Variants in SCGB1D4 observed in about 807,000 individuals in gnomAD.
SCGB1D4 encodes IFN-gamma inducible SCGB (IIS).
In SCGB1D4, 6 loss-of-function variants were observed where a neutral mutation model predicts 8.1. That is an observed-to-expected ratio of 0.74 (90% CI 0.40 to 1.45). The LOEUF is 1.45. SCGB1D4 is among the 40% of genes most tolerant of loss of function. The pLI is 0.02. For missense variants in SCGB1D4, 93 were observed against 95.0 expected, an observed-to-expected ratio of 0.98 and a Z score of 0.09; for synonymous variants, 34 against 38.1, an observed-to-expected ratio of 0.89 and a Z score of 0.39.
chr11:62,298,055 T>G (rs1480096374), intron 1 of SCGB1D4, among the ~76,000 whole-genome samples: 1 of 145,336 alleles, frequency 6.9e-6, no homozygotes, highest in South Asian at 2.2e-4. Context: ...TGTTTTGTTT[T>G]GTTTTTTTTT....
At chr11:62,297,423 T>A in intron 2 of SCGB1D4, 49 bp downstream of exon 2, 1 of 1,381,512 alleles carries the variant, frequency 7.2e-7, no homozygotes, top group Non-Finnish European at 1.0e-6. Flanking sequence ...CAGGAGGCTG[T>A]GTGCAGCTGA....
chr11:62,297,577 A>G lies in SCGB1D4; in HGVS notation c.137T>C (p.Val46Ala), dbSNP rs1227210262. The G allele has an allele frequency of 3.7e-6, 6 of 1,614,036 alleles. No individual in the cohort carries two copies. The highest frequency in any genetic ancestry group is 5.1e-6 in the Non-Finnish European group (6 of 1,180,002). ...FLSDAAVNLQ[V>A]AKLNPPPEAL... ...TTCTGGAGGTGGATTAAGTTTGGCA[A>G]CTTGGAGGTTTACCGCAGCGTCACT... Residue 46 changes from valine to alanine, a missense_variant, in exon 2 of 3, where the codon GTT (valine) becomes GCT (alanine). Physicochemically the swap from Val to Ala is moderately conservative, Grantham distance 64. Coordinates refer to ENST00000358585, the MANE Select transcript of SCGB1D4 (RefSeq NM_206998.2).
At chr11:62,298,704 A>T (rs1945464496) in intron 1 of SCGB1D4, among the ~76,000 whole-genome samples, 1 of 148,452 alleles carries the variant, frequency 6.7e-6, no homozygotes, top group African/African-American at 2.5e-5. Context: ...GGTTGCAGTG[A>T]GCCAAGATCA....
intron 2 of SCGB1D4, among the ~76,000 whole-genome samples, chr11:62,296,762 G>A (rs925265662): frequency 1.3e-5 from 2 of 152,190 alleles, no homozygotes; most frequent in South Asian, 4.1e-4. Context: ...CCCTGTAATG[G>A]GGGACCCAGG....
intron 2 of SCGB1D4, 26 bp downstream of exon 2, chr11:62,297,446 C>T: frequency 1.3e-6 from 2 of 1,566,446 alleles, no homozygotes; most frequent in African/African-American, 1.4e-5. Context: ...TGAATTCTGC[C>T]TCTGCATAAA....
intron 1 of SCGB1D4, 57 bp from the exon 2 acceptor site, chr11:62,297,715 G>T: frequency 1.4e-6 from 2 of 1,418,352 alleles, no homozygotes; most frequent in Non-Finnish European, 2.0e-6. Context: ...TTTCTCTCAT[G>T]GCTCCCTGAG....
intron 1 of SCGB1D4, among the ~76,000 whole-genome samples, 197 bp downstream of exon 1, chr11:62,298,756 CAAA>C (rs5792251): frequency 0.051 from 5,238 of 102,292 alleles, 295 homozygotes; most frequent in African/African-American, 0.17. Context: ...CAAAACTTCT[CAAA>C]AAAAAAAAAA....
Position 62,297,482 on chromosome 11 carries a change from TCAATGAGAGTCG to T in SCGB1D4, c.220_231del (p.Arg74_Leu77del). 6.2e-7 allele frequency: 1 copy of T among 1,611,366 alleles called. No homozygotes were observed. The highest frequency in any genetic ancestry group is 1.1e-5 in the South Asian group (1 of 90,630). ...GGAGAAAGAAATTACCAGGACTTTT[TCAATGAGAGTCG>T]TTTCTTAAAAGATATCTGATCGGTG... On this transcript the variant is annotated inframe_deletion, in exon 2 of 3. Coordinates refer to ENST00000358585, the MANE Select transcript of SCGB1D4 (RefSeq NM_206998.2).
At position 62,296,434 on chromosome 11, in the gene SCGB1D4, AAG is replaced by A; in HGVS notation, c.243-17_243-16del. On this transcript the variant is annotated splice_polypyrimidine_tract_variant and intron_variant, in intron 2 of 2. Coordinates refer to ENST00000358585, the MANE Select transcript of SCGB1D4 (RefSeq NM_206998.2). ...ACTATTTCCACCTGAAATCAAAAAA[AAG>A]AAAGAAAGAAAGAAAGGTGAGGTCA... 6.3e-7 allele frequency: 1 copy of A among 1,596,924 alleles called. No homozygotes were observed. The highest frequency in any genetic ancestry group is 8.6e-7 in the Non-Finnish European group (1 of 1,167,634).
At position 62,298,054 on chromosome 11, in the gene SCGB1D4, TTG is replaced by T. The variant is rs752294727; in HGVS notation, c.56-398_56-397del. Among the ~76,000 whole-genome samples, 5 of 145,048 alleles carry T rather than the reference TTG, an allele frequency of 3.4e-5. 1 individual carries two copies. Among genetic ancestry groups the T allele is most frequent in the Admixed American group, 6.8e-5 (1 of 14,638 alleles). ...TGTGTGTGTGTGTGTGTGTTTTGTT[TTG>T]TTTTTTTTTTTTGTAGAGATGGGGT... On this transcript the variant is annotated intron_variant, in intron 1 of 2. Transcript: ENST00000358585.
At chr11:62,297,116 C>T (rs1945446598) in intron 2 of SCGB1D4, among the ~76,000 whole-genome samples, 1 of 152,144 alleles carries the variant, frequency 6.6e-6, no homozygotes, top group South Asian at 2.1e-4. Context: ...CTGCAAGGGG[C>T]TCCTGGCTCT....
chr11:62,298,775 A>G (rs967916442), intron 1 of SCGB1D4, among the ~76,000 whole-genome samples, 181 bp downstream of exon 1: 2 of 143,338 alleles, frequency 1.4e-5, no homozygotes, highest in Non-Finnish European at 3.1e-5. Flanking sequence ...AAAAAAAAAA[A>G]GGAAGAAGAA....
At position 62,297,507 on chromosome 11, in the gene SCGB1D4, T is replaced by C. The variant is rs746835855; in HGVS notation, c.207A>G (p.Ile69Met). ...TCAATGAGAGTCGTTTCTTAAAAGA[T>C]ATCTGATCGGTGCAGTGCTTCACTT... is the stretch of plus-strand genomic sequence containing the variant. ...KLEVKHCTDQISFKKRLSLKK... is the reference protein window; with the variant it reads ...KLEVKHCTDQMSFKKRLSLKK... The change falls in exon 2 of 3, where the codon ATA (isoleucine) becomes ATG (methionine). Residue 69 changes from isoleucine (I) to methionine (M), a missense_variant. Physicochemically the swap from Ile to Met is conservative, Grantham distance 10 (BLOSUM62 1). Transcript: ENST00000358585. The C allele has an allele frequency of 6.2e-7, 1 of 1,613,120 alleles. No homozygotes were observed. The highest frequency in any genetic ancestry group is 1.3e-5 in the African/African-American group (1 of 74,972).
intron 1 of SCGB1D4, among the ~76,000 whole-genome samples, chr11:62,298,588 A>G (rs1167247655): frequency 1.3e-5 from 2 of 151,780 alleles, no homozygotes; most frequent in Admixed American, 6.6e-5. Flanking sequence ...GAGAAACCCC[A>G]TCTCTACTAA....
Position 62,297,639 on chromosome 11 carries a change from T to G in SCGB1D4, c.75A>C (p.Pro25=). 1 of 1,613,364 alleles carries G rather than the reference T, an allele frequency of 6.2e-7. No individual in the cohort carries two copies. The highest frequency in any genetic ancestry group is 1.3e-5 in the African/African-American group (1 of 74,986). Residue 25 remains proline (P), a synonymous_variant, in exon 2 of 3, where the codon CCA becomes CCC. Coordinates refer to ENST00000358585, the MANE Select transcript of SCGB1D4 (RefSeq NM_206998.2). ...CCYQAHALVC[P]AVASEITVFL... Reference sequence around the variant, plus strand: ...AGACTGTGATCTCAGAAGCAACAGCTGGGCAGACAAGAGCATGGGCTGCAG... The same window carrying G: ...AGACTGTGATCTCAGAAGCAACAGCGGGGCAGACAAGAGCATGGGCTGCAG...
At chr11:62,296,861 G>T (rs532642243) in intron 2 of SCGB1D4, among the ~76,000 whole-genome samples, 1 of 152,186 alleles carries the variant, frequency 6.6e-6, no homozygotes, top group Non-Finnish European at 1.5e-5. Context: ...TCTGCCTAAC[G>T]GCCAGGGGTC....
At position 62,296,496 on chromosome 11, in the gene SCGB1D4, A is replaced by G; in HGVS notation, c.243-77T>C. ...CTGCTGGTGATGATAGGCTAACATCAAAGAGGCCAATGGGATTTTGCCCCA... is the reference window on the plus strand; with the variant it reads ...CTGCTGGTGATGATAGGCTAACATCGAAGAGGCCAATGGGATTTTGCCCCA... On this transcript the variant is annotated intron_variant, in intron 2 of 2. Transcript: ENST00000358585. 8 of 1,473,064 alleles carry G rather than the reference A, an allele frequency of 5.4e-6. No homozygotes were observed. In the South Asian group the frequency reaches 9.3e-5, roughly 17 times the overall value. The allele number at this position is 1,473,064 out of a possible 1,614,324, so 91.2% of individuals were successfully genotyped here. A position where few individuals can be genotyped will look rare whatever the true frequency, so the allele number is the denominator to read the frequency against.
chr11:62,298,937 T>C lies in SCGB1D4; in HGVS notation c.55+19A>G. The C allele has an allele frequency of 6.2e-7, 1 of 1,613,370 alleles. No homozygotes were observed. ...TGCATCCCAGGGGCTGGTGCTGGAC[T>C]CATGACTGATGTACTCACCCTGGTA... On this transcript the variant is annotated intron_variant, in intron 1 of 2. Transcript: ENST00000358585.
chr11:62,296,716 T>C (rs1489340948), intron 2 of SCGB1D4, among the ~76,000 whole-genome samples: 5 of 152,128 alleles, frequency 3.3e-5, no homozygotes, highest in African/African-American at 1.2e-4. Flanking sequence ...AAGAGGTTGT[T>C]GTCTGGGCTG....
Sources: allele counts gnomAD v4.1 joint callset (sites outside exome capture counted in the v4.1 genomes callset), GRCh38; gene constraint gnomAD v4.1.1; transcripts MANE v1.5; gene names NCBI Gene and HGNC (gene_info 2026-07-23, HGNC 2026-07-21).